Variants in GALNT17 observed in about 807,000 individuals in gnomAD.
GALNT17 encodes the protein UDP-GalNAc:polypeptide N-acetylgalactosaminyltransferase-like 3.
Under a neutral mutation model 63.7 loss-of-function variants are expected in GALNT17, and 29 were observed. The ratio of observed to expected loss-of-function variants is 0.46; its 90% CI spans 0.34 to 0.62. GALNT17 has a LOEUF of 0.62. GALNT17 is among the 20% of genes least tolerant of loss of function. The pLI, the probability that GALNT17 is intolerant of heterozygous loss-of-function variation, is 0.01. For missense variants in GALNT17, 603 were observed against 799.6 expected, an observed-to-expected ratio of 0.75 and a Z score of 2.97; for synonymous variants, 305 against 318.3, an observed-to-expected ratio of 0.96 and a Z score of 0.45.
At chr7:71,494,757 G>A (rs546192448) in intron 5 of GALNT17, among the ~76,000 whole-genome samples, 7 of 152,208 alleles carry the variant, frequency 4.6e-5, no homozygotes, top group East Asian at 3.9e-4. Context: ...AAGGAAAGAG[G>A]TTTAATTGAC....
chr7:71,595,431 C>CA (rs113490447), intron 6 of GALNT17, among the ~76,000 whole-genome samples: 1,864 of 116,644 alleles, frequency 0.016, 28 homozygotes, highest in Non-Finnish European at 0.022. Context: ...GACTCTGTCT[C>CA]AAAAAAAAAA....
intron 1 of GALNT17, among the ~76,000 whole-genome samples, chr7:71,321,926 T>TTCCTTCCTTCCTTCCCCC (rs1563001256): frequency 2.5e-5 from 1 of 39,666 alleles, no homozygotes. Context: ...TTCCTTCCCC[T>TTCCTTCCTTCCTTCCCCC]CCCTCCCTCC....
At chr7:71,482,903 A>G (rs953057331) in intron 5 of GALNT17, among the ~76,000 whole-genome samples, 2 of 152,114 alleles carry the variant, frequency 1.3e-5, no homozygotes, top group African/African-American at 2.4e-5. Flanking sequence ...TCATGCTCCT[A>G]TGAGAATCTA....
At chr7:71,230,527 G>A (rs1019699637) in intron 1 of GALNT17, among the ~76,000 whole-genome samples, 3 of 149,208 alleles carry the variant, frequency 2.0e-5, no homozygotes, top group Non-Finnish European at 4.5e-5. Flanking sequence ...TGTTCCTTTG[G>A]TCAGAACTCT....
chr7:71,523,528 G>T (rs1426844681), intron 5 of GALNT17, among the ~76,000 whole-genome samples: 2 of 152,082 alleles, frequency 1.3e-5, no homozygotes, highest in Non-Finnish European at 2.9e-5. Flanking sequence ...GCTGAGGCAG[G>T]CAGATAACTT....
intron 5 of GALNT17, among the ~76,000 whole-genome samples, chr7:71,511,556 G>T (rs575296348): frequency 6.6e-6 from 1 of 152,152 alleles, no homozygotes; most frequent in South Asian, 2.1e-4. Context: ...GCCCCATGTG[G>T]CCCTTGTCCA....
intron 5 of GALNT17, among the ~76,000 whole-genome samples, chr7:71,459,900 A>T (rs1299825857): frequency 2.6e-5 from 4 of 152,158 alleles, no homozygotes; most frequent in Non-Finnish European, 4.4e-5. Context: ...TAACATGAAC[A>T]TTTCCTTTCT....
At chr7:71,303,755 T>C (rs1196711532) in intron 1 of GALNT17, among the ~76,000 whole-genome samples, 1 of 152,096 alleles carries the variant, frequency 6.6e-6, no homozygotes, top group Admixed American at 6.6e-5. Context: ...GCCATTAAAT[T>C]TGATGAAGAG....
chr7:71,606,053 C>T (rs1218222706), intron 6 of GALNT17, among the ~76,000 whole-genome samples: 3 of 152,146 alleles, frequency 2.0e-5, no homozygotes, highest in African/African-American at 7.2e-5. Context: ...GATCCTCCCA[C>T]CTTAGCCTCA....
chr7:71,230,374 G>C (rs1789765416), intron 1 of GALNT17, among the ~76,000 whole-genome samples: 1 of 152,138 alleles, frequency 6.6e-6, no homozygotes, highest in Non-Finnish European at 1.5e-5. Flanking sequence ...CCCCTCATGG[G>C]TGCAAAGAGG....
intron 1 of GALNT17, among the ~76,000 whole-genome samples, chr7:71,248,983 G>C (rs900437051): frequency 1.3e-5 from 2 of 152,036 alleles, no homozygotes; most frequent in African/African-American, 4.8e-5. Context: ...GTGATGTTAT[G>C]CTCCCTTTGG....
At chr7:71,279,630 A>G (rs2115745884) in intron 1 of GALNT17, among the ~76,000 whole-genome samples, 1 of 151,956 alleles carries the variant, frequency 6.6e-6, no homozygotes. Flanking sequence ...TTCTAGGTGG[A>G]CATGTGCTTT....
chr7:71,566,313 CT>C (rs1172841637), intron 5 of GALNT17, among the ~76,000 whole-genome samples: 1 of 152,108 alleles, frequency 6.6e-6, no homozygotes, highest in African/African-American at 2.4e-5. Context: ...GGCCTGGGCG[CT>C]TTCTGTGATT....
In GALNT17 at chr7:71,561,160, G is replaced by A. The variant is rs193195937; in HGVS notation, c.963-10125G>A. Among the ~76,000 whole-genome samples, 758 of 152,110 alleles carry A rather than the reference G, an allele frequency of 5.0e-3. 16 individuals carry two copies. The highest frequency in any genetic ancestry group is 0.048 in the Admixed American group (729 of 15,274). Reference sequence around the variant, plus strand: ...CCCGAGTAGCTGGGACCACAGGCACGCACCACCATGCCTGGCTAATTTTTG... The same window carrying A: ...CCCGAGTAGCTGGGACCACAGGCACACACCACCATGCCTGGCTAATTTTTG... On this transcript the variant is annotated intron_variant, in intron 5 of 10. Transcript: ENST00000333538.
At chr7:71,514,266 C>T (rs144078778) in intron 5 of GALNT17, among the ~76,000 whole-genome samples, 202 of 152,258 alleles carry the variant, frequency 1.3e-3, no homozygotes, top group Non-Finnish European at 1.9e-3. Flanking sequence ...ATTATGGGAG[C>T]ACACTGGCGC....
At chr7:71,575,471 G>T (rs1037550411) in intron 6 of GALNT17, among the ~76,000 whole-genome samples, 3 of 151,586 alleles carry the variant, frequency 2.0e-5, no homozygotes, top group Non-Finnish European at 4.4e-5. Context: ...CTCACTGCAG[G>T]CTCCGCCCTC....
chr7:71,697,465 C>A (rs556474208), intron 9 of GALNT17, among the ~76,000 whole-genome samples: 1 of 152,008 alleles, frequency 6.6e-6, no homozygotes, highest in Non-Finnish European at 1.5e-5. Context: ...GATTCAAGTG[C>A]GCAAGTCTAG....
chr7:71,248,236 G>C (rs772374813), intron 1 of GALNT17, among the ~76,000 whole-genome samples: 1 of 152,272 alleles, frequency 6.6e-6, no homozygotes, highest in East Asian at 1.9e-4. Context: ...ATGAGATCTC[G>C]TGAGAACTCA....
At chr7:71,172,485 A>G (rs1788563838) in intron 1 of GALNT17, among the ~76,000 whole-genome samples, 1 of 151,436 alleles carries the variant, frequency 6.6e-6, no homozygotes, top group South Asian at 2.1e-4. Flanking sequence ...AAAAAGAACT[A>G]TGGATGAAGC....
Sources: gnomAD v4.1 joint callset for allele counts (sites outside exome capture counted in the v4.1 genomes callset) on GRCh38, gnomAD v4.1.1 for gene constraint, MANE v1.5 for transcripts, NCBI Gene and HGNC (gene_info 2026-07-23, HGNC 2026-07-21) for gene names.